PPP3CB: variants seen among roughly 807,000 people sequenced by gnomAD.
PPP3CB encodes the protein protein phosphatase 3 catalytic subunit beta.
A neutral mutation model predicts 66.4 loss-of-function variants in PPP3CB; 8 were observed. That is an observed-to-expected ratio of 0.12 (90% confidence interval 0.07 to 0.22). The LOEUF (loss-of-function observed/expected upper bound fraction) is 0.22. Ranked by LOEUF, PPP3CB falls within the 10% of genes least tolerant of loss-of-function variation. The pLI, the probability that PPP3CB is intolerant of heterozygous loss-of-function variation, is 1.00. For missense variants in PPP3CB, 319 were observed against 642.5 expected (o/e 0.50, Z 5.44); for synonymous variants, 208 against 221.2 (o/e 0.94, Z 0.53).
chr10:73,443,286 C>CAGAAAGAAAGAAAGAAAGAA lies in PPP3CB; in HGVS notation c.1366+1419_1366+1438dup, dbSNP rs71021552. The stretch of plus-strand genomic sequence containing the variant: ...AGAGAGAGAAAGAAAGAAAGAAAGA[C>CAGAAAGAAAGAAAGAAAGAA]AGAAAGAAAGAAAGAAAGAAAGAAA... On this transcript the variant is annotated intron_variant, in intron 12 of 13. Coordinates refer to ENST00000360663, the MANE Select transcript of PPP3CB (RefSeq NM_021132.4). 6.4e-3 allele frequency among the ~76,000 whole-genome samples: 740 copies of CAGAAAGAAAGAAAGAAAGAA among 115,698 alleles called. 12 individuals are homozygous for CAGAAAGAAAGAAAGAAAGAA. The highest frequency in any genetic ancestry group is 0.021 in the Middle Eastern group (5 of 236). 75.9% of individuals were successfully genotyped at this position (115,698 alleles called of 152,430 possible).
At chr10:73,456,310 G>T (rs1291529335) in intron 9 of PPP3CB, among the ~76,000 whole-genome samples, 1 of 152,216 alleles carries the variant, frequency 6.6e-6, no homozygotes, top group African/African-American at 2.4e-5. Flanking sequence ...GCAAAAGGTT[G>T]ATGGAAAACA....
At chr10:73,486,172 T>C (rs560675009) in intron 1 of PPP3CB, among the ~76,000 whole-genome samples, 7 of 151,618 alleles carry the variant, frequency 4.6e-5, no homozygotes, top group Admixed American at 3.9e-4. Flanking sequence ...ACTCGAACCC[T>C]TAACCTCGTG....
At chr10:73,495,627 C>T in intron 1 of PPP3CB, 178 bp downstream of exon 1, 1 of 914,460 alleles carries the variant, frequency 1.1e-6, no homozygotes, top group Non-Finnish European at 1.5e-6. Context: ...GACCGCGGAA[C>T]CACTGCCACC....
chr10:73,490,826 T>A (rs2057060639), intron 1 of PPP3CB, among the ~76,000 whole-genome samples: 1 of 151,914 alleles, frequency 6.6e-6, no homozygotes, highest in Admixed American at 6.6e-5. Context: ...TGAAGATTTA[T>A]TTTATTTATT....
chr10:73,459,796 C>CA (rs2056491396), intron 9 of PPP3CB, among the ~76,000 whole-genome samples: 1 of 151,984 alleles, frequency 6.6e-6, no homozygotes, highest in African/African-American at 2.4e-5. Flanking sequence ...CTAGGGTTAG[C>CA]AAGGGGGGTT....
chr10:73,446,861 A>C (rs1018348342), intron 10 of PPP3CB, among the ~76,000 whole-genome samples: 4 of 152,258 alleles, frequency 2.6e-5, no homozygotes, highest in Admixed American at 6.5e-5. Context: ...TGGGGAAAAA[A>C]AAACAAACAA....
At chr10:73,482,492 G>A (rs1468564019) in intron 1 of PPP3CB, among the ~76,000 whole-genome samples, 20 of 125,032 alleles carry the variant, frequency 1.6e-4, no homozygotes, top group Admixed American at 3.0e-4. Flanking sequence ...GCAGTGAGCC[G>A]AGATCGCGCC....
intron 5 of PPP3CB, 103 bp from the exon 6 acceptor site, chr10:73,471,312 T>C: frequency 7.3e-7 from 1 of 1,363,160 alleles, no homozygotes; most frequent in Non-Finnish European, 1.0e-6. Context: ...TCATACTATA[T>C]TATTGTGAAT....
At chr10:73,485,969 G>T (rs1311222475) in intron 1 of PPP3CB, among the ~76,000 whole-genome samples, 1 of 120,624 alleles carries the variant, frequency 8.3e-6, no homozygotes, top group East Asian at 4.8e-4. Context: ...TTTTTCAGAT[G>T]CAGTCTTGCT....
chr10:73,485,356 ATCT>A (rs1390703783), intron 1 of PPP3CB, among the ~76,000 whole-genome samples: 3 of 152,176 alleles, frequency 2.0e-5, no homozygotes, highest in South Asian at 2.1e-4. Flanking sequence ...TGGTACAGAG[ATCT>A]TCTTACTGTT....
chr10:73,441,391 G>T (rs544322704), intron 12 of PPP3CB, among the ~76,000 whole-genome samples: 1 of 152,192 alleles, frequency 6.6e-6, no homozygotes, highest in Non-Finnish European at 1.5e-5. Flanking sequence ...TCCCTTGAGC[G>T]TTTGAGCCCA....
chr10:73,464,079 G>A (rs953208606), intron 9 of PPP3CB, among the ~76,000 whole-genome samples: 3 of 152,108 alleles, frequency 2.0e-5, no homozygotes, highest in African/African-American at 4.8e-5. Flanking sequence ...ACAGGCGCCC[G>A]CCACCACACC....
chr10:73,470,644 A>G (rs2056688205), intron 8 of PPP3CB, 43 bp downstream of exon 8: 1 of 1,263,978 alleles, frequency 7.9e-7, no homozygotes, highest in Non-Finnish European at 1.1e-6. Flanking sequence ...GTCAATTAAA[A>G]TACTAAGTTG....
chr10:73,485,908 T>TGTGTGTG (rs2056964369), intron 1 of PPP3CB, among the ~76,000 whole-genome samples: 1 of 121,290 alleles, frequency 8.2e-6, no homozygotes, highest in Non-Finnish European at 1.7e-5. Context: ...ACCTGGCTAA[T>TGTGTGTG]TGTGTGTGTG....
intron 8 of PPP3CB, among the ~76,000 whole-genome samples, chr10:73,470,377 C>T (rs1219014386): frequency 6.6e-6 from 1 of 152,048 alleles, no homozygotes; most frequent in Non-Finnish European, 1.5e-5. Context: ...AAGAAAACAT[C>T]CTCAATAAGG....
chr10:73,472,995 C>A (rs1319888813), intron 4 of PPP3CB, among the ~76,000 whole-genome samples: 1 of 152,072 alleles, frequency 6.6e-6, no homozygotes, highest in African/African-American at 2.4e-5. Context: ...TGTTTTAATA[C>A]TGTAATATTC....
intron 1 of PPP3CB, among the ~76,000 whole-genome samples, chr10:73,482,542 C>CAAAAAAA (rs537336452): frequency 2.7e-5 from 1 of 36,742 alleles, no homozygotes; most frequent in African/African-American, 9.5e-5. Context: ...GACTCCGTCT[C>CAAAAAAA]AAAAAAAAAA....
At chr10:73,476,411 G>C (rs2056789788) in intron 3 of PPP3CB, among the ~76,000 whole-genome samples, 1 of 152,134 alleles carries the variant, frequency 6.6e-6, no homozygotes, top group Non-Finnish European at 1.5e-5. Flanking sequence ...GAGGCCAGGA[G>C]TTCGAGATCA....
intron 1 of PPP3CB, among the ~76,000 whole-genome samples, chr10:73,485,884 G>A (rs916388001): frequency 6.8e-6 from 1 of 146,850 alleles, no homozygotes; most frequent in Non-Finnish European, 1.5e-5. Flanking sequence ...GAGACTACAG[G>A]CACACACCAC....
Sources: allele counts gnomAD v4.1 joint callset (sites outside exome capture counted in the v4.1 genomes callset), GRCh38; gene constraint gnomAD v4.1.1; transcripts MANE v1.5; gene names NCBI Gene and HGNC (gene_info 2026-07-23, HGNC 2026-07-21).